COL26A1: variants seen among roughly 807,000 people sequenced by gnomAD.
COL26A1 encodes collagen type XXVI alpha 1 chain, also known as collagen alpha-1(XXVI) chain.
COL26A1 carries 41 observed loss-of-function variants against 59.3 expected under a neutral mutation model. The ratio of observed to expected loss-of-function variants is 0.69; its 90% CI spans 0.54 to 0.90. COL26A1 has a LOEUF of 0.90. Among genes scored for constraint, COL26A1 ranks in the 40% least tolerant of loss-of-function variants. The pLI is 0.00. For synonymous variants in COL26A1, 266 were observed against 256.0 expected (o/e 1.04, Z -0.37); for missense variants, 612 against 602.3 (o/e 1.02, Z -0.17).
chr7:101,370,227 TC>T (rs1334852438), intron 1 of COL26A1, among the ~76,000 whole-genome samples: 7 of 152,122 alleles, frequency 4.6e-5, no homozygotes, highest in Admixed American at 6.6e-5. Flanking sequence ...ACTTCCCTGA[TC>T]TTATAGCACC....
chr7:101,512,996 T>TTTTTTA (rs370177055), intron 3 of COL26A1, among the ~76,000 whole-genome samples: 5 of 149,500 alleles, frequency 3.3e-5, no homozygotes, highest in Non-Finnish European at 4.4e-5. Context: ...TTTTTACAAT[T>TTTTTTA]TTATTATTAT....
At chr7:101,399,555 C>T (rs1020492778) in intron 1 of COL26A1, among the ~76,000 whole-genome samples, 3 of 152,092 alleles carry the variant, frequency 2.0e-5, no homozygotes, top group Non-Finnish European at 2.9e-5. Context: ...AACTCCTGAC[C>T]TCAGGTGATC....
chr7:101,550,974 C>G (rs1278640833), intron 9 of COL26A1, 134 bp from the exon 10 acceptor site: 91 of 996,846 alleles, frequency 9.1e-5, no homozygotes, highest in Non-Finnish European at 3.1e-6. Context: ...CTTCCCGTGC[C>G]GGCCGGGCCA....
chr7:101,495,965 C>G (rs751970602), intron 3 of COL26A1, among the ~76,000 whole-genome samples: 1 of 151,964 alleles, frequency 6.6e-6, no homozygotes, highest in Non-Finnish European at 1.5e-5. Flanking sequence ...CCTGCGGTAC[C>G]AGCCACTTGG....
chr7:101,387,145 C>T (rs1791595899), intron 1 of COL26A1, among the ~76,000 whole-genome samples: 1 of 152,086 alleles, frequency 6.6e-6, no homozygotes, highest in Non-Finnish European at 1.5e-5. Context: ...CAAAGCCACC[C>T]CCACGGGATG....
intron 1 of COL26A1, among the ~76,000 whole-genome samples, chr7:101,396,511 G>A (rs1258930464): frequency 1.3e-5 from 2 of 151,862 alleles, no homozygotes; most frequent in South Asian, 2.1e-4. Context: ...TGCCCAGGCT[G>A]GAGTGCAGTG....
intron 11 of COL26A1, 134 bp from the exon 12 acceptor site, chr7:101,555,653 G>A (rs1346907191): frequency 1.6e-6 from 1 of 606,816 alleles, no homozygotes; most frequent in East Asian, 2.8e-5. Context: ...ATGCTTATTT[G>A]CAGTGGTGAG....
At chr7:101,525,002 T>C (rs13233931) in intron 3 of COL26A1, among the ~76,000 whole-genome samples, 46,547 of 151,730 alleles carry the variant, frequency 0.31, 7,391 homozygotes, top group Middle Eastern at 0.35. Flanking sequence ...CCAGTCATGG[T>C]CCAGGCACTT....
At chr7:101,366,580 A>G (rs1791054774) in intron 1 of COL26A1, among the ~76,000 whole-genome samples, 1 of 141,868 alleles carries the variant, frequency 7.0e-6, no homozygotes, top group African/African-American at 2.6e-5. Context: ...AGCTCACTGC[A>G]GCCTCGACCT....
At chr7:101,367,671 G>GAAAAAAAAAAAAAAAAAAAAA (rs60293558) in intron 1 of COL26A1, among the ~76,000 whole-genome samples, 1 of 111,698 alleles carries the variant, frequency 9.0e-6, no homozygotes. Context: ...TCTCAAAAAA[G>GAAAAAAAAAAAAAAAAAAAAA]AAAAAAAAAA....
At chr7:101,494,069 A>G (rs1463708271) in intron 3 of COL26A1, among the ~76,000 whole-genome samples, 1 of 152,114 alleles carries the variant, frequency 6.6e-6, no homozygotes, top group African/African-American at 2.4e-5. Flanking sequence ...CAGTGGCAAT[A>G]ATTGTGTGAA....
At chr7:101,403,527 CAACAAAACAA>C (rs140420153) in intron 1 of COL26A1, among the ~76,000 whole-genome samples, 4 of 151,476 alleles carry the variant, frequency 2.6e-5, no homozygotes, top group Non-Finnish European at 5.9e-5. Context: ...TCAACAACAA[CAACAAAACAA>C]AACAAAACAA....
chr7:101,514,947 G>T (rs935426059), intron 3 of COL26A1, among the ~76,000 whole-genome samples: 25 of 152,222 alleles, frequency 1.6e-4, no homozygotes, highest in African/African-American at 5.8e-4. Flanking sequence ...AGACACTGAG[G>T]CCAGCCTCTG....
At chr7:101,391,082 C>G (rs1242854548) in intron 1 of COL26A1, among the ~76,000 whole-genome samples, 4 of 152,188 alleles carry the variant, frequency 2.6e-5, no homozygotes, top group African/African-American at 9.7e-5. Flanking sequence ...CTCAGGGGAA[C>G]AGAGCAGCGG....
chr7:101,557,149 A>G (rs1002613271), intron 12 of COL26A1, among the ~76,000 whole-genome samples: 13 of 152,116 alleles, frequency 8.5e-5, no homozygotes, highest in African/African-American at 3.1e-4. Context: ...ACACAGATGG[A>G]TGAATGGGTC....
rs1432553418 is a variant in COL26A1, at chr7:101,489,856, T to TG, written c.385+42069_385+42070insG. Among the ~76,000 whole-genome samples, 8 of 39,176 alleles carry TG rather than the reference T, an allele frequency of 2.0e-4. No individual in the cohort carries two copies. The East Asian group carries it at 2.2e-3, about 11-fold the overall frequency. 25.7% of individuals were successfully genotyped at this position (39,176 alleles called of 152,430 possible). On this transcript the variant is annotated intron_variant, in intron 3 of 12. Transcript: ENST00000313669. ...TTTCTTTCTTTCTTTCTTTCTTTCTTTCTTTCTTTCTTTCTTTCTTTCTTT... is the reference window on the plus strand; with the variant it reads ...TTTCTTTCTTTCTTTCTTTCTTTCTTGTCTTTCTTTCTTTCTTTCTTTCTTT...
intron 1 of COL26A1, among the ~76,000 whole-genome samples, chr7:101,390,331 T>C (rs1791699639): frequency 6.6e-6 from 1 of 152,020 alleles, no homozygotes; most frequent in Non-Finnish European, 1.5e-5. Flanking sequence ...TTTCACCGTG[T>C]TGGCCAGGCT....
intron 2 of COL26A1, among the ~76,000 whole-genome samples, chr7:101,426,119 C>T (rs1023870012): frequency 3.9e-5 from 6 of 152,106 alleles, no homozygotes; most frequent in African/African-American, 1.4e-4. Context: ...GCTGCTGCGT[C>T]AGGCCAGCAT....
At chr7:101,365,626 G>A (rs1213596362) in intron 1 of COL26A1, among the ~76,000 whole-genome samples, 1 of 151,944 alleles carries the variant, frequency 6.6e-6, no homozygotes, top group Non-Finnish European at 1.5e-5. Flanking sequence ...AAAATGTAAC[G>A]TTGGCCAGGC....
Sources: allele counts gnomAD v4.1 joint callset (sites outside exome capture counted in the v4.1 genomes callset), GRCh38; gene constraint gnomAD v4.1.1; transcripts MANE v1.5; gene names NCBI Gene and HGNC (gene_info 2026-07-23, HGNC 2026-07-21).